AMER3: variants seen among roughly 807,000 people sequenced by gnomAD.
The protein encoded by AMER3 is family with sequence similarity 123C.
For missense variants in AMER3, 1,201 were observed against 1,139.4 expected, an observed-to-expected ratio of 1.05 and a Z score of -0.78; for synonymous variants, 541 against 485.5, an observed-to-expected ratio of 1.11 and a Z score of -1.50.
At position 130,762,989 on chromosome 2, in the gene AMER3, TC is replaced by T; in HGVS notation, c.918del (p.Phe306LeufsTer8). On this transcript the variant is annotated frameshift_variant, in exon 2 of 2. Transcript: ENST00000321420. LOFTEE classifies it low-confidence loss of function (END_TRUNC). ...CCCGCCCAGAATGAAGCCTCTGACT[TC>T]ACCAGGTTCTGGGACAGTGTGAATC... Reference protein sequence around the residue: ...ASPAQNEASDFTRFWDSVNRS... With the variant: ...ASPAQNEASDXTRFWDSVNRS... 1 of 1,613,218 alleles carries T rather than the reference TC, an allele frequency of 6.2e-7. No individual in the cohort carries two copies. The highest frequency in any genetic ancestry group is 8.5e-7 in the Non-Finnish European group (1 of 1,179,962).
At chr2:130,761,996 T>A (rs1678792564) in intron 1 of AMER3, 58 bp from the exon 2 acceptor site, 2 of 1,492,576 alleles carry the variant, frequency 1.3e-6, no homozygotes, top group Non-Finnish European at 1.8e-6. Context: ...GGCAGGGTCT[T>A]CCAGAGCCCA....
At position 130,763,416 on chromosome 2, in the gene AMER3, G is replaced by A. The variant is rs1678864707; in HGVS notation, c.1344G>A (p.Leu448=). The change falls in exon 2 of 2, where the codon CTG becomes CTA. Residue 448 remains leucine, a synonymous_variant. Transcript: ENST00000321420. ...ATGACCTGTGCGTGTCTGAGAGTCTGTCAGGGCCGGCCCTGGGGACGCCAC... is the reference window on the plus strand; with the variant it reads ...ATGACCTGTGCGTGTCTGAGAGTCTATCAGGGCCGGCCCTGGGGACGCCAC... The part of the protein sequence containing the change: ...PDDDLCVSES[L]SGPALGTPLS... 3 of 1,612,886 alleles carry A rather than the reference G, an allele frequency of 1.9e-6. No individual in the cohort carries two copies. Among genetic ancestry groups the A allele is most frequent in the Admixed American group, 1.7e-5 (1 of 60,000 alleles).
chr2:130,764,337 C>T lies in AMER3; in HGVS notation c.2265C>T (p.Leu755=). The change falls in exon 2 of 2, where the codon CTC becomes CTT. Residue 755 remains leucine (L), a synonymous_variant. Transcript: ENST00000321420. ...CRDRVQDLSW[L]RVEPTGLGVQ... is the part of the protein sequence containing the mutation. ...ATCGTGTCCAGGACCTGAGCTGGCT[C>T]AGGGTGGAGCCCACCGGGCTAGGTG... 2 of 1,609,500 alleles carry T rather than the reference C, an allele frequency of 1.2e-6. No homozygotes were observed. Among genetic ancestry groups the T allele is most frequent in the Non-Finnish European group, 1.7e-6 (2 of 1,177,020 alleles).
rs1270306791 is a variant in AMER3, at chr2:130,764,179, A to G, written c.2107A>G (p.Ser703Gly). The G allele has an allele frequency of 3.7e-6, 6 of 1,608,184 alleles. No individual in the cohort carries two copies. In the Admixed American group the frequency reaches 1.0e-4, roughly 27 times the overall value. ...ATGGCCTCCAAGGCAAGACATGGGC[A>G]GTGGGCTCTTTGGGCAGCGCTGGGC... is the stretch of plus-strand genomic sequence containing the variant. The part of the protein sequence containing the change: ...AAWPPRQDMG[S>G]GLFGQRWARG... The change falls in exon 2 of 2, where the codon AGT becomes GGT. Residue 703 changes from serine (S) to glycine (G), a missense_variant. Transcript: ENST00000321420.
chr2:130,767,781 T>A lies in AMER3; in HGVS notation c.*3123T>A, dbSNP rs1447748691. The stretch of plus-strand genomic sequence containing the variant: ...ACCTCAATGCAGTTGTCAGCCCCAT[T>A]TTTCAGACCTGGACACGGAGGCACA... On this transcript the variant is annotated 3_prime_UTR_variant, in exon 2 of 2. Transcript: ENST00000321420. 3.6e-5 allele frequency: 6 copies of A among 167,156 alleles called. No homozygotes were observed. The highest frequency in any genetic ancestry group is 9.7e-5 in the African/African-American group (4 of 41,436). The allele number at this position is 167,156 out of a possible 1,614,324, so 10.4% of individuals were successfully genotyped here.
rs1221105903 is a variant in AMER3, at chr2:130,762,225, G to A, written c.153G>A (p.Lys51=). The A allele has an allele frequency of 3.2e-6, 5 of 1,580,858 alleles. No homozygotes were observed. The highest frequency in any genetic ancestry group is 1.1e-5 in the South Asian group (1 of 86,958). The change falls in exon 2 of 2, where the codon AAG becomes AAA. Residue 51 remains lysine (K), a synonymous_variant. Coordinates refer to ENST00000321420, the MANE Select transcript of AMER3 (RefSeq NM_152698.3). The part of the protein sequence containing the change: ...PGGQQRPHSE[K]GPQASPSAQE... Reference sequence around the variant, plus strand: ...GGCAACAGAGGCCCCACAGTGAGAAGGGCCCCCAAGCCAGCCCCAGTGCCC... The same window carrying A: ...GGCAACAGAGGCCCCACAGTGAGAAAGGCCCCCAAGCCAGCCCCAGTGCCC...
intron 1 of AMER3, 96 bp from the exon 2 acceptor site, chr2:130,761,958 G>A: frequency 4.2e-6 from 5 of 1,190,760 alleles, no homozygotes; most frequent in East Asian, 5.1e-5. Context: ...AGAGGCCCCT[G>A]CAGAGAGTGA....
At position 130,758,724 on chromosome 2, in the gene AMER3, G is replaced by A. The variant is rs933869071; in HGVS notation, c.-20+3050G>A. ...GAGCCCTGCAGACAAGAAGGCACCCGAAGGGTAGGGACGGGTCTGAACCCT... is the reference window on the plus strand; with the variant it reads ...GAGCCCTGCAGACAAGAAGGCACCCAAAGGGTAGGGACGGGTCTGAACCCT... On this transcript the variant is annotated intron_variant, in intron 1 of 1. Coordinates refer to ENST00000321420, the MANE Select transcript of AMER3 (RefSeq NM_152698.3). Among the ~76,000 whole-genome samples, 5 of 152,330 alleles carry A rather than the reference G, an allele frequency of 3.3e-5. No individual in the cohort carries two copies. The South Asian group carries it at 6.2e-4, about 19-fold the overall frequency.
Position 130,762,067 on chromosome 2 carries a change from G to A in AMER3, c.-6G>A, listed in dbSNP as rs772575006. On this transcript the variant is annotated 5_prime_UTR_variant, in exon 2 of 2. Coordinates refer to ENST00000321420, the MANE Select transcript of AMER3 (RefSeq NM_152698.3). The stretch of plus-strand genomic sequence containing the variant: ...TTTCCTCCACAGCAGCTGGGGCACT[G>A]GCAGCATGGAGCTGAAGAGAGGAAA... 4 of 1,608,390 alleles carry A rather than the reference G, an allele frequency of 2.5e-6. No individual in the cohort carries two copies. Among genetic ancestry groups the A allele is most frequent in the East Asian group, 4.5e-5 (2 of 44,830 alleles).
At chr2:130,759,639 T>A (rs948172625) in intron 1 of AMER3, among the ~76,000 whole-genome samples, 5 of 152,226 alleles carry the variant, frequency 3.3e-5, no homozygotes, top group Non-Finnish European at 7.3e-5. Flanking sequence ...TAATCTTCAC[T>A]TTCATTGTGT....
rs773964038 is a variant in AMER3 at position 130,762,280 on chromosome 2, G to T, written c.208G>T (p.Ala70Ser). Residue 70 changes from alanine to serine, a missense_variant, in exon 2 of 2, where the codon GCG becomes TCG. Transcript: ENST00000321420. ...ATACGACAGATGCCCCAACAAAGGG[G>T]CGCAGCTGGACCCCAAAGGGGGACC... ...QEYDRCPNKG[A>S]QLDPKGGPAA... 1 of 1,585,288 alleles carries T rather than the reference G, an allele frequency of 6.3e-7. No individual in the cohort carries two copies. Among genetic ancestry groups the T allele is most frequent in the South Asian group, 1.1e-5 (1 of 87,262 alleles).
chr2:130,762,593 T>C lies in AMER3; in HGVS notation c.521T>C (p.Leu174Ser). The change falls in exon 2 of 2, where the codon TTG (leucine) becomes TCG (serine). Residue 174 changes from leucine to serine, a missense_variant. Leu to Ser is a moderately radical substitution (Grantham distance 145). Transcript: ENST00000321420. Reference protein sequence around the residue: ...FHIRRNKTEDLASLAAEGKSL... With the variant: ...FHIRRNKTEDSASLAAEGKSL... ...ATTCGGAGAAACAAGACTGAGGACT[T>C]GGCCTCGCTGGCGGCCGAGGGGAAA... The C allele has an allele frequency of 6.2e-7, 1 of 1,613,038 alleles. No individual in the cohort carries two copies. Among genetic ancestry groups the C allele is most frequent in the Admixed American group, 1.7e-5 (1 of 60,036 alleles).
chr2:130,764,305 T>C lies in AMER3; in HGVS notation c.2233T>C (p.Cys745Arg). 2 of 1,607,070 alleles carry C rather than the reference T, an allele frequency of 1.2e-6. No homozygotes were observed. Among genetic ancestry groups the C allele is most frequent in the Non-Finnish European group, 8.5e-7 (1 of 1,175,518 alleles). ...PYSASTQDQR[C>R]RDRVQDLSWL... Reference sequence around the variant, plus strand: ...CTCAGCCAGCACACAGGACCAGAGGTGTCGAGATCGTGTCCAGGACCTGAG... The same window carrying C: ...CTCAGCCAGCACACAGGACCAGAGGCGTCGAGATCGTGTCCAGGACCTGAG... The change falls in exon 2 of 2, where the codon TGT (cysteine) becomes CGT (arginine). Residue 745 changes from cysteine to arginine, a missense_variant. Physicochemically the swap from Cys to Arg is radical, Grantham distance 180 (BLOSUM62 -3). Coordinates refer to ENST00000321420, the MANE Select transcript of AMER3 (RefSeq NM_152698.3).
chr2:130,762,483 C>T lies in AMER3; in HGVS notation c.411C>T (p.Pro137=), dbSNP rs749518900. 7 of 1,613,230 alleles carry T rather than the reference C, an allele frequency of 4.3e-6. No homozygotes were observed. In the East Asian group the frequency reaches 1.3e-4, roughly 31 times the overall value. The change falls in exon 2 of 2, where the codon CCC becomes CCT. Residue 137 remains proline (P), a synonymous_variant. Transcript: ENST00000321420. Reference sequence around the variant, plus strand: ...ACCGCCACTTTGTGCCCCAGATGCCCTTTGTGCCAGCTGTGGCCAAGAGCA... The same window carrying T: ...ACCGCCACTTTGTGCCCCAGATGCCTTTTGTGCCAGCTGTGGCCAAGAGCA... The part of the protein sequence containing the change: ...IDYRHFVPQM[P]FVPAVAKSIP...
intron 1 of AMER3, among the ~76,000 whole-genome samples, chr2:130,761,252 C>G (rs1348602682): frequency 6.6e-6 from 1 of 152,236 alleles, no homozygotes; most frequent in Non-Finnish European, 1.5e-5. Flanking sequence ...CTGCTGCCAT[C>G]TGTCCACCTC....
At position 130,762,357 on chromosome 2, in the gene AMER3, C is replaced by A; in HGVS notation, c.285C>A (p.His95Gln). ...TFKPVRKCKTHDSMSGAGRAT... is the reference protein window; with the variant it reads ...TFKPVRKCKTQDSMSGAGRAT... ...AACCGGTGCGAAAGTGCAAGACTCACGACAGCATGTCTGGGGCAGGCAGGG... is the reference window on the plus strand; with the variant it reads ...AACCGGTGCGAAAGTGCAAGACTCAAGACAGCATGTCTGGGGCAGGCAGGG... The change falls in exon 2 of 2, where the codon CAC becomes CAA. Residue 95 changes from histidine to glutamine, a missense_variant. His to Gln is a conservative substitution (Grantham distance 24). Coordinates refer to ENST00000321420, the MANE Select transcript of AMER3 (RefSeq NM_152698.3). 1 of 1,612,180 alleles carries A rather than the reference C, an allele frequency of 6.2e-7. No homozygotes were observed. The highest frequency in any genetic ancestry group is 8.5e-7 in the Non-Finnish European group (1 of 1,179,710).
rs537694206 is a variant in AMER3, at chr2:130,763,113, C to T, written c.1041C>T (p.Leu347=). 114 of 1,613,160 alleles carry T rather than the reference C, an allele frequency of 7.1e-5. 2 individuals carry two copies. In the Admixed American group the frequency reaches 1.0e-3, roughly 14 times the overall value. Reference sequence around the variant, plus strand: ...AATCCCGGCTGGACACAGCTGGGCTCGCTGAGCTGCCCCTCTGCCCCTGCA... The same window carrying T: ...AATCCCGGCTGGACACAGCTGGGCTTGCTGAGCTGCCCCTCTGCCCCTGCA... The part of the protein sequence containing the change: ...RDQSRLDTAG[L]AELPLCPCRD... Residue 347 remains leucine (L), a synonymous_variant, in exon 2 of 2, where the codon CTC becomes CTT. Transcript: ENST00000321420.
Position 130,763,996 on chromosome 2 carries a change from C to T in AMER3, c.1924C>T (p.Gln642Ter). The T allele has an allele frequency of 6.2e-7, 1 of 1,613,366 alleles. No homozygotes were observed. The highest frequency in any genetic ancestry group is 1.3e-5 in the African/African-American group (1 of 75,038). ...APVPSTWPCSQKEPGPPGVLG... is the reference protein window; with the variant it reads ...APVPSTWPCS ...AGTTCCTTCTACCTGGCCCTGCTCC[C>T]AGAAGGAGCCTGGGCCACCAGGGGT... The change falls in exon 2 of 2, where the codon CAG becomes TAG. Residue 642 changes from glutamine (Q) to a stop codon, truncating the protein, a stop_gained. Transcript: ENST00000321420. LOFTEE classifies it low-confidence loss of function (END_TRUNC).
In AMER3 at chr2:130,768,099, G is replaced by C. The variant is rs1215070784; in HGVS notation, c.*3441G>C. On this transcript the variant is annotated 3_prime_UTR_variant, in exon 2 of 2. Transcript: ENST00000321420. ...CTGCACCTGAGGGAGTAGCCGCTCTGTAAATCCTTGTTGAAAGAATGAAGT... is the reference window on the plus strand; with the variant it reads ...CTGCACCTGAGGGAGTAGCCGCTCTCTAAATCCTTGTTGAAAGAATGAAGT... The C allele has an allele frequency of 6.0e-6, 1 of 167,152 alleles. No homozygotes were observed. The highest frequency in any genetic ancestry group is 1.9e-4 in the East Asian group (1 of 5,200). The allele number at this position is 167,152 out of a possible 1,614,324, so 10.4% of individuals were successfully genotyped here. A position where few individuals can be genotyped will look rare whatever the true frequency, so the allele number is the denominator to read the frequency against.
Sources: gnomAD v4.1 joint callset for allele counts (sites outside exome capture counted in the v4.1 genomes callset) on GRCh38, gnomAD v4.1.1 for gene constraint, MANE v1.5 for transcripts, NCBI Gene and HGNC (gene_info 2026-07-23, HGNC 2026-07-21) for gene names.